PRH1: variants seen among roughly 807,000 people sequenced by gnomAD.
PRH1 encodes salivary acidic proline-rich phosphoprotein 1/2.
A neutral mutation model predicts 7.9 loss-of-function variants in PRH1; 7 were observed. The ratio of observed to expected loss-of-function variants is 0.89; its 90% CI spans 0.50 to 1.67. The LOEUF is 1.67. Among genes scored for constraint, PRH1 ranks in the 40% most tolerant of loss-of-function variants. PRH1 has a pLI of 0.00. For missense variants in PRH1, 109 were observed against 223.6 expected (o/e 0.49, Z 3.27); for synonymous variants, 45 against 80.8 (o/e 0.56, Z 2.38).
chr12:11,136,880 A>G (rs1946572460), intron 1 of PRH1, among the ~76,000 whole-genome samples: 1 of 152,184 alleles, frequency 6.6e-6, no homozygotes, highest in South Asian at 2.1e-4. Context: ...TGAGCCAGGC[A>G]TAGTGAAGCT....
In PRH1 at chr12:10,965,272, T is replaced by C. The variant is rs188461979; in HGVS notation, c.-59+8383A>G. ...CCCACTCAATGGAATTTACCAACACTATGAAGCCATTAGCAAAATTCCCAA... is the reference window on the plus strand; with the variant it reads ...CCCACTCAATGGAATTTACCAACACCATGAAGCCATTAGCAAAATTCCCAA... On this transcript the variant is annotated intron_variant, in intron 2 of 3. Transcript: ENST00000539853. The C allele has an allele frequency of 2.0e-5, 29 of 1,449,778 alleles. No homozygotes were observed. The Admixed American group carries it at 3.2e-4, about 16-fold the overall frequency. 89.8% of individuals were successfully genotyped at this position (1,449,778 alleles called of 1,614,324 possible).
chr12:10,914,241 TA>T (rs1206169073), intron 2 of PRH1, among the ~76,000 whole-genome samples: 2 of 152,268 alleles, frequency 1.3e-5, no homozygotes, highest in East Asian at 1.9e-4. Flanking sequence ...ATTTGACAAT[TA>T]AAAAAATTGA....
intron 1 of PRH1, among the ~76,000 whole-genome samples, chr12:11,001,492 G>A (rs1162998623): frequency 6.6e-6 from 1 of 152,064 alleles, no homozygotes; most frequent in African/African-American, 2.4e-5. Flanking sequence ...CAGGATGGGA[G>A]AATGCCAGGG....
At chr12:10,943,525 G>T (rs888692348) in intron 2 of PRH1, among the ~76,000 whole-genome samples, 1 of 151,970 alleles carries the variant, frequency 6.6e-6, no homozygotes, top group African/African-American at 2.4e-5. Flanking sequence ...GTAGGTTGTC[G>T]ATTTACTCTG....
intron 2 of PRH1, among the ~76,000 whole-genome samples, chr12:10,952,577 A>G (rs1029093906): frequency 1.3e-5 from 2 of 151,980 alleles, no homozygotes; most frequent in Non-Finnish European, 2.9e-5. Flanking sequence ...GCACTATGAG[A>G]GACAAAAAGA....
At chr12:11,162,501 C>CTT (rs1210193626) in intron 1 of PRH1, among the ~76,000 whole-genome samples, 1 of 152,178 alleles carries the variant, frequency 6.6e-6, no homozygotes, top group East Asian at 1.9e-4. Context: ...AAGCCCTGAA[C>CTT]TTTAAGCTGA....
intron 1 of PRH1, among the ~76,000 whole-genome samples, chr12:11,065,921 A>C (rs1471468379): frequency 3.3e-5 from 5 of 152,186 alleles, no homozygotes; most frequent in Non-Finnish European, 5.9e-5. Context: ...CTCTCCTCAC[A>C]GGGAAATTCA....
chr12:11,168,624 A>G (rs1011522357), intron 1 of PRH1, among the ~76,000 whole-genome samples: 1 of 152,174 alleles, frequency 6.6e-6, no homozygotes, highest in Admixed American at 6.5e-5. Flanking sequence ...TGCTCTTCCC[A>G]AGAATCAGAA....
chr12:10,997,537 G>T (rs2136009796), intron 1 of PRH1: 1 of 1,614,032 alleles, frequency 6.2e-7, no homozygotes. Flanking sequence ...TAAGTCTGGA[G>T]AAATTGACGA....
chr12:10,881,997 A>G (rs1314797063), intron 3 of PRH1, among the ~76,000 whole-genome samples: 2 of 152,210 alleles, frequency 1.3e-5, no homozygotes, highest in Non-Finnish European at 2.9e-5. Context: ...TGTAATTTGA[A>G]GATAGTGATT....
intron 2 of PRH1, among the ~76,000 whole-genome samples, chr12:10,913,476 T>A (rs913642025): frequency 2.0e-5 from 3 of 152,088 alleles, no homozygotes; most frequent in Non-Finnish European, 4.4e-5. Context: ...ATCTATTTAG[T>A]ATATATTAAA....
chr12:11,134,226 T>C (rs773654415), intron 1 of PRH1: 5 of 1,612,976 alleles, frequency 3.1e-6, no homozygotes, highest in Non-Finnish European at 4.2e-6. Context: ...GAAAAAATGA[T>C]GGGCAGAAAA....
intron 2 of PRH1, chr12:10,938,540 C>T (rs1479340673): frequency 5.0e-6 from 8 of 1,613,908 alleles, no homozygotes; most frequent in Non-Finnish European, 6.8e-6. Context: ...GGCTTTGGTG[C>T]TGGCGTCTCC....
At chr12:11,092,533 G>A (rs1196190795) in intron 1 of PRH1, among the ~76,000 whole-genome samples, 1 of 115,234 alleles carries the variant, frequency 8.7e-6, no homozygotes, top group African/African-American at 2.9e-5. Flanking sequence ...TCCTATCAGA[G>A]TGCCCTTTTA....
In PRH1 at chr12:10,921,116, G is replaced by A. The variant is rs141554417; in HGVS notation, c.-58-36841C>T. Among the ~76,000 whole-genome samples, 109 of 151,882 alleles carry A rather than the reference G, an allele frequency of 7.2e-4. No individual in the cohort carries two copies. The East Asian group carries it at 0.018, about 24-fold the overall frequency. On this transcript the variant is annotated intron_variant, in intron 2 of 3. Coordinates refer to the PRH1 transcript ENST00000539853. The stretch of plus-strand genomic sequence containing the variant: ...ACTTTTTTTTAGCAGTTTTGTGCCT[G>A]TATCTAATTGCCTACCTTCTCATTA...
At chr12:10,939,908 C>A (rs531130036) in intron 2 of PRH1, among the ~76,000 whole-genome samples, 6 of 152,012 alleles carry the variant, frequency 3.9e-5, no homozygotes, top group Admixed American at 6.5e-5. Context: ...CATTTGAATA[C>A]GTTAATTAGT....
At chr12:11,055,251 T>C (rs923895270) in intron 1 of PRH1, among the ~76,000 whole-genome samples, 1 of 152,038 alleles carries the variant, frequency 6.6e-6, no homozygotes, top group African/African-American at 2.4e-5. Flanking sequence ...AAATAATATG[T>C]TGAAATATCA....
intron 1 of PRH1, chr12:10,997,906 G>T: frequency 2.0e-6 from 3 of 1,486,720 alleles, no homozygotes; most frequent in Admixed American, 2.1e-5. Flanking sequence ...AAAAAATTCA[G>T]GCCTAATGTC....
rs1210190154 is a variant in PRH1 at position 10,934,713 on chromosome 12, G to T, written c.-59+38942C>A. Among the ~76,000 whole-genome samples the T allele has an allele frequency of 5.3e-5, 8 of 151,856 alleles. No homozygotes were observed. The South Asian group carries it at 6.2e-4, about 12-fold the overall frequency. ...GCTTTTTTCACAAAAAGATTATTTT[G>T]CCCCAGACAGCTATCTGCATTCTGA... On this transcript the variant is annotated intron_variant, in intron 2 of 3. Transcript: ENST00000539853.
Sources: gnomAD v4.1 joint callset for allele counts (sites outside exome capture counted in the v4.1 genomes callset) on GRCh38, gnomAD v4.1.1 for gene constraint, MANE v1.5 for transcripts, NCBI Gene and HGNC (gene_info 2026-07-23, HGNC 2026-07-21) for gene names.